The following CCT7 variants were observed in gnomAD, a reference collection of about 807,000 sequenced individuals.
CCT7 encodes the protein chaperonin containing TCP1 subunit 7, also known as T-complex protein 1 subunit eta.
CCT7 carries 16 observed loss-of-function variants against 56.6 expected under a neutral mutation model. That is an observed-to-expected ratio of 0.28 (90% CI 0.19 to 0.43). The LOEUF is 0.43. Ranked by LOEUF, CCT7 falls within the 20% of genes least tolerant of loss-of-function variation. The pLI, the probability that CCT7 is intolerant of heterozygous loss-of-function variation, is 1.00. For missense variants in CCT7, 519 were observed against 685.6 expected (o/e 0.76, Z 2.71); for synonymous variants, 262 against 254.8 (o/e 1.03, Z -0.27).
chr2:73,243,788 C>T (rs1240713700), intron 4 of CCT7: 1 of 585,586 alleles, frequency 1.7e-6, no homozygotes. Context: ...AACTGTATAC[C>T]CACTCTGCAT....
At chr2:73,244,142 C>A in intron 5 of CCT7, 93 bp downstream of exon 5, 1 of 1,226,490 alleles carries the variant, frequency 8.2e-7, no homozygotes, top group Non-Finnish European at 1.1e-6. Flanking sequence ...CTCAAGTGAT[C>A]TCCCACCTGC....
At chr2:73,242,303 G>A (rs1281719281) in intron 3 of CCT7, among the ~76,000 whole-genome samples, 9 of 151,934 alleles carry the variant, frequency 5.9e-5, no homozygotes, top group African/African-American at 1.5e-4. Flanking sequence ...TTCTTGAGAC[G>A]GAGTCTCACT....
At chr2:73,244,413 A>G (rs1326259346) in intron 5 of CCT7, 131 bp from the exon 6 acceptor site, 1 of 744,434 alleles carries the variant, frequency 1.3e-6, no homozygotes, top group African/African-American at 1.8e-5. Flanking sequence ...TCTGCCCTAA[A>G]GATACAAAAG....
chr2:73,251,092 G>C, intron 10 of CCT7, 134 bp from the exon 11 acceptor site: 1 of 744,622 alleles, frequency 1.3e-6, no homozygotes, highest in Non-Finnish European at 2.3e-6. Context: ...GGCTGTGTCT[G>C]GGCGTTTGGG....
chr2:73,243,780 CT>C (rs1410000732), intron 4 of CCT7: 2 of 557,916 alleles, frequency 3.6e-6, no homozygotes. Context: ...TTCTTCAGAA[CT>C]GTATACCCAC....
At chr2:73,244,451 G>A in intron 5 of CCT7, 93 bp from the exon 6 acceptor site, 1 of 1,118,418 alleles carries the variant, frequency 8.9e-7, no homozygotes. Flanking sequence ...TGAGTTTAGA[G>A]ACTGGAAGGG....
intron 1 of CCT7, among the ~76,000 whole-genome samples, chr2:73,234,756 G>A (rs1223799015): frequency 6.6e-6 from 1 of 152,246 alleles, no homozygotes; most frequent in East Asian, 1.9e-4. Context: ...AGACTTGGAA[G>A]CTGGGGCTGC....
In CCT7 at chr2:73,249,069, G is replaced by C; in HGVS notation, c.862G>C (p.Val288Leu). The change falls in exon 8 of 12, where the codon GTT becomes CTT. Residue 288 changes from valine (V) to leucine (L), a missense_variant. Transcript: ENST00000258091. ...LEKIHHSGAKVVLSKLPIGDV... is the reference protein window; with the variant it reads ...LEKIHHSGAKLVLSKLPIGDV... ...GAAGATCCATCATTCTGGAGCCAAA[G>C]TTGTCTTGTCCAAACTCCCCATTGG... 3 of 1,614,196 alleles carry C rather than the reference G, an allele frequency of 1.9e-6. No individual in the cohort carries two copies. The highest frequency in any genetic ancestry group is 2.5e-6 in the Non-Finnish European group (3 of 1,180,028).
intron 4 of CCT7, 112 bp from the exon 5 acceptor site, chr2:73,243,885 A>T: frequency 1.1e-6 from 1 of 911,202 alleles, no homozygotes; most frequent in Non-Finnish European, 1.8e-6. Context: ...GCTGTAGAGT[A>T]GAAATGCTTA....
intron 3 of CCT7, among the ~76,000 whole-genome samples, chr2:73,242,531 C>T (rs1349087269): frequency 6.6e-6 from 1 of 152,180 alleles, no homozygotes; most frequent in Non-Finnish European, 1.5e-5. Flanking sequence ...CCACCTGCCT[C>T]AGCCTCCCAA....
chr2:73,239,585 CT>C (rs1338300637), intron 1 of CCT7, 57 bp from the exon 2 acceptor site: 1 of 1,509,188 alleles, frequency 6.6e-7, no homozygotes, highest in African/African-American at 1.4e-5. Flanking sequence ...CCCCTTTCCC[CT>C]GCCAGTCTCA....
At chr2:73,245,112 T>C (rs1687276960) in intron 6 of CCT7, among the ~76,000 whole-genome samples, 1 of 152,236 alleles carries the variant, frequency 6.6e-6, no homozygotes, top group Non-Finnish European at 1.5e-5. Flanking sequence ...TTATCTTGAA[T>C]AGATGATACA....
chr2:73,251,573 C>G lies in CCT7; in HGVS notation c.1410+141C>G, dbSNP rs1687584865. On this transcript the variant is annotated intron_variant, in intron 11 of 11. Coordinates refer to ENST00000258091, the MANE Select transcript of CCT7 (RefSeq NM_006429.4). ...CCCCAGCCTGTCTGCCTGACCAACT[C>G]CCTCCTCTGAGGGCAGAAGGAAAGC... 1.6e-5 allele frequency: 11 copies of G among 694,840 alleles called. No individual in the cohort carries two copies. In the South Asian group the frequency reaches 2.0e-4, roughly 12 times the overall value. 43.0% of individuals were successfully genotyped at this position (694,840 alleles called of 1,614,324 possible). A position where few individuals can be genotyped will look rare whatever the true frequency, so the allele number is the denominator to read the frequency against.
At chr2:73,241,763 G>C (rs1321283271) in intron 3 of CCT7, among the ~76,000 whole-genome samples, 2 of 151,236 alleles carry the variant, frequency 1.3e-5, no homozygotes, top group African/African-American at 4.9e-5. Flanking sequence ...CTTTTGAGAG[G>C]GGGTTTCATT....
rs201248838 is a variant in CCT7, at chr2:73,239,684, C to G, written c.48C>G (p.Ser16=). 1.4e-4 allele frequency: 229 copies of G among 1,613,816 alleles called. No individual in the cohort carries two copies. Among genetic ancestry groups the G allele is most frequent in the Middle Eastern group, 1.6e-4 (1 of 6,084 alleles). ...VILLKEGTDS[S]QGIPQLVSNI... ...TATTGAAAGAGGGGACTGATAGCTC[C>G]CAAGGCATCCCCCAGCTTGTGAGTA... Residue 16 remains serine (S), a synonymous_variant, in exon 2 of 12, where the codon TCC becomes TCG. Transcript: ENST00000258091.
rs1687256828 is a variant in CCT7 at position 73,244,601 on chromosome 2, C to A, written c.504C>A (p.Ile168=). 6.2e-7 allele frequency: 1 copy of A among 1,613,856 alleles called. No homozygotes were observed. Among genetic ancestry groups the A allele is most frequent in the Non-Finnish European group, 8.5e-7 (1 of 1,179,808 alleles). ...CAMTALSSKL[I]SQQKAFFAKM... ...TGACCGCTCTGAGCTCCAAGCTGAT[C>A]TCCCAGCAGAAAGCTTTCTTTGCTA... The change falls in exon 6 of 12, where the codon ATC becomes ATA. Residue 168 remains isoleucine, a synonymous_variant. Transcript: ENST00000258091.
intron 10 of CCT7, 146 bp downstream of exon 10, chr2:73,250,584 T>C (rs948961952): frequency 3.4e-6 from 3 of 884,170 alleles, no homozygotes; most frequent in Admixed American, 5.0e-5. Flanking sequence ...GCCCCACAAA[T>C]GGTAGAGAAA....
chr2:73,236,644 T>A (rs1044731919), intron 1 of CCT7, among the ~76,000 whole-genome samples: 1 of 152,212 alleles, frequency 6.6e-6, no homozygotes, highest in African/African-American at 2.4e-5. Flanking sequence ...CGACCTTGTT[T>A]CTTATTTATT....
At position 73,241,935 on chromosome 2, in the gene CCT7, T is replaced by G. The variant is rs1574356230; in HGVS notation, c.268-1069T>G. 2.6e-5 allele frequency among the ~76,000 whole-genome samples: 4 copies of G among 152,030 alleles called. No individual in the cohort carries two copies. In the East Asian group the frequency reaches 7.9e-4, roughly 30 times the overall value. Reference sequence around the variant, plus strand: ...TTTGTATTTTTGGTAGAGACGGGGTTTCACCATGTTGGCCAGGCTGGTCTC... The same window carrying G: ...TTTGTATTTTTGGTAGAGACGGGGTGTCACCATGTTGGCCAGGCTGGTCTC... On this transcript the variant is annotated intron_variant, in intron 3 of 11. Coordinates refer to ENST00000258091, the MANE Select transcript of CCT7 (RefSeq NM_006429.4).
Sources: allele counts gnomAD v4.1 joint callset (sites outside exome capture counted in the v4.1 genomes callset), GRCh38; gene constraint gnomAD v4.1.1; transcripts MANE v1.5; gene names NCBI Gene and HGNC (gene_info 2026-07-23, HGNC 2026-07-21).